The following DPYD variants were observed in gnomAD, a reference collection of about 807,000 sequenced individuals.
DPYD encodes the protein dihydropyrimidine dehydrogenase.
Under a neutral mutation model 116.2 loss-of-function variants are expected in DPYD, and 109 were observed. The ratio of observed to expected loss-of-function variants is 0.94; its 90% CI spans 0.80 to 1.10. The LOEUF (loss-of-function observed/expected upper bound fraction) is 1.10, where lower values mean the gene tolerates loss of function less well. DPYD is among the 50% of genes least tolerant of loss of function. DPYD has a pLI of 0.00. For missense variants in DPYD, 1,302 were observed against 1,254.5 expected, an observed-to-expected ratio of 1.04 and a Z score of -0.57; for synonymous variants, 440 against 432.0, an observed-to-expected ratio of 1.02 and a Z score of -0.23.
intron 20 of DPYD, among the ~76,000 whole-genome samples, chr1:97,192,261 A>C (rs1658427140): frequency 6.6e-6 from 1 of 152,066 alleles, no homozygotes; most frequent in East Asian, 1.9e-4. Context: ...TTTGTTTTCC[A>C]TTCTTTTTCA....
At chr1:97,151,529 G>A (rs1655015618) in intron 20 of DPYD, among the ~76,000 whole-genome samples, 1 of 152,146 alleles carries the variant, frequency 6.6e-6, no homozygotes, top group East Asian at 1.9e-4. Context: ...ACAAAAATTA[G>A]CCAGGCATGG....
At chr1:97,564,704 T>G (rs1652394942) in intron 11 of DPYD, among the ~76,000 whole-genome samples, 1 of 152,130 alleles carries the variant, frequency 6.6e-6, no homozygotes, top group Admixed American at 6.6e-5. Flanking sequence ...ATCCAATCTC[T>G]TTATCAAGCA....
chr1:97,292,641 T>C (rs935560329), intron 18 of DPYD, among the ~76,000 whole-genome samples: 1 of 152,092 alleles, frequency 6.6e-6, no homozygotes, highest in Non-Finnish European at 1.5e-5. Flanking sequence ...GAAAGGTCTT[T>C]GAGAGTGATT....
intron 8 of DPYD, among the ~76,000 whole-genome samples, chr1:97,614,637 G>A (rs957904989): frequency 3.3e-5 from 5 of 151,988 alleles, no homozygotes; most frequent in Non-Finnish European, 7.4e-5. Context: ...GAAGCATCAC[G>A]ACTACTCACT....
At chr1:97,440,687 G>A (rs1370848016) in intron 14 of DPYD, among the ~76,000 whole-genome samples, 1 of 152,004 alleles carries the variant, frequency 6.6e-6, no homozygotes, top group East Asian at 1.9e-4. Flanking sequence ...CTTTATGTAT[G>A]CTATAACCCC....
intron 5 of DPYD, among the ~76,000 whole-genome samples, chr1:97,709,357 A>T (rs1662156978): frequency 6.6e-6 from 1 of 151,708 alleles, no homozygotes; most frequent in African/African-American, 2.4e-5. Flanking sequence ...CCTTTTTTAA[A>T]TTTTACTTTT....
At chr1:97,135,990 A>T (rs1405740097) in intron 20 of DPYD, among the ~76,000 whole-genome samples, 1 of 152,214 alleles carries the variant, frequency 6.6e-6, no homozygotes, top group Non-Finnish European at 1.5e-5. Flanking sequence ...ACTTTGATAG[A>T]GTCCAGTTCC....
intron 18 of DPYD, among the ~76,000 whole-genome samples, chr1:97,270,276 C>A (rs959325610): frequency 6.6e-6 from 1 of 152,142 alleles, no homozygotes; most frequent in Admixed American, 6.6e-5. Context: ...GGTCATCTTG[C>A]GGTTGAGAGG....
intron 6 of DPYD, among the ~76,000 whole-genome samples, chr1:97,698,401 T>A (rs144959647): frequency 6.6e-6 from 1 of 151,864 alleles, no homozygotes; most frequent in Non-Finnish European, 1.5e-5. Flanking sequence ...GTTTGAGTAA[T>A]ATTGAAATTT....
chr1:97,717,317 AT>A (rs544223195), intron 5 of DPYD, among the ~76,000 whole-genome samples: 16 of 152,254 alleles, frequency 1.1e-4, no homozygotes, highest in Non-Finnish European at 2.2e-4. Flanking sequence ...AATAAAAAAA[AT>A]GTTTAAAAAC....
chr1:97,786,183 G>A (rs1667012385), intron 3 of DPYD, among the ~76,000 whole-genome samples: 1 of 151,812 alleles, frequency 6.6e-6, no homozygotes, highest in South Asian at 2.1e-4. Flanking sequence ...AAAAGAACAA[G>A]GGCAACTTTT....
intron 3 of DPYD, 37 bp from the exon 4 acceptor site, chr1:97,740,516 A>G (rs539393571): frequency 3.3e-6 from 5 of 1,526,022 alleles, no homozygotes; most frequent in Admixed American, 1.7e-5. Context: ...AAACTACAAG[A>G]TAAGTGAGAT....
chr1:97,646,161 A>AT (rs1411437927), intron 8 of DPYD, among the ~76,000 whole-genome samples: 1 of 152,056 alleles, frequency 6.6e-6, no homozygotes, highest in Non-Finnish European at 1.5e-5. Flanking sequence ...ACACAAAAAT[A>AT]TTTTTTGTAT....
At chr1:97,425,642 T>G (rs909984771) in intron 14 of DPYD, among the ~76,000 whole-genome samples, 2 of 152,054 alleles carry the variant, frequency 1.3e-5, no homozygotes, top group African/African-American at 4.8e-5. Flanking sequence ...GGATCCTACA[T>G]CTATAGTTGA....
At chr1:97,101,389 C>A (rs1374022250) in intron 20 of DPYD, among the ~76,000 whole-genome samples, 2 of 146,274 alleles carry the variant, frequency 1.4e-5, no homozygotes, top group African/African-American at 2.5e-5. Context: ...AAAAAAACAT[C>A]AATTCTCTCC....
intron 13 of DPYD, among the ~76,000 whole-genome samples, chr1:97,484,476 T>C (rs1417822586): frequency 2.0e-5 from 3 of 152,236 alleles, no homozygotes; most frequent in Non-Finnish European, 4.4e-5. Flanking sequence ...AATCTGAAGA[T>C]GGTAAATATT....
At chr1:97,329,249 T>C (rs1251240851) in intron 16 of DPYD, among the ~76,000 whole-genome samples, 1 of 152,188 alleles carries the variant, frequency 6.6e-6, no homozygotes, top group East Asian at 1.9e-4. Context: ...ATTTTTGTGG[T>C]GATGTCACTA....
intron 21 of DPYD, among the ~76,000 whole-genome samples, chr1:97,087,489 A>C (rs1649599625): frequency 6.6e-6 from 1 of 152,196 alleles, no homozygotes; most frequent in Non-Finnish European, 1.5e-5. Flanking sequence ...TGAGAGAAGC[A>C]AGTAAATCAA....
At chr1:97,290,302 C>T (rs1010199243) in intron 18 of DPYD, among the ~76,000 whole-genome samples, 4 of 151,986 alleles carry the variant, frequency 2.6e-5, no homozygotes, top group African/African-American at 7.3e-5. Context: ...ATCAAGCTAC[C>T]AATGACTTTC....
Sources: gnomAD v4.1 joint callset for allele counts (sites outside exome capture counted in the v4.1 genomes callset) on GRCh38, gnomAD v4.1.1 for gene constraint, MANE v1.5 for transcripts, NCBI Gene and HGNC (gene_info 2026-07-23, HGNC 2026-07-21) for gene names.